The following FANCC variants were observed in gnomAD, a reference collection of about 807,000 sequenced individuals.
FANCC encodes the protein Fanconi anemia group C protein.
In FANCC, 55 loss-of-function variants were observed where a neutral mutation model predicts 71.3. The ratio of observed to expected loss-of-function variants is 0.77; its 90% CI spans 0.62 to 0.97. FANCC has a LOEUF of 0.97. Ranked by LOEUF, FANCC falls within the 50% of genes least tolerant of loss-of-function variation. The pLI, the probability that FANCC is intolerant of heterozygous loss-of-function variation, is 0.00. For missense variants in FANCC, 678 were observed against 670.9 expected, an observed-to-expected ratio of 1.01 and a Z score of -0.12; for synonymous variants, 275 against 244.9, an observed-to-expected ratio of 1.12 and a Z score of -1.15.
At chr9:95,265,217 A>C (rs1252503573) in intron 1 of FANCC, among the ~76,000 whole-genome samples, 4 of 152,156 alleles carry the variant, frequency 2.6e-5, no homozygotes, top group African/African-American at 4.8e-5. Context: ...TGTAAACAAA[A>C]TCTGGGCCTA....
At chr9:95,295,288 C>G (rs967457320) in intron 1 of FANCC, among the ~76,000 whole-genome samples, 21 of 152,216 alleles carry the variant, frequency 1.4e-4, no homozygotes, top group Non-Finnish European at 2.8e-4. Context: ...AACTATGCAT[C>G]TGAGAAGGTG....
At chr9:95,293,344 T>C in intron 1 of FANCC, 1 of 1,604,370 alleles carries the variant, frequency 6.2e-7, no homozygotes. Flanking sequence ...ATCAGGGCTC[T>C]GCCACAGGGG....
At chr9:95,125,894 C>T (rs1482758166) in intron 9 of FANCC, among the ~76,000 whole-genome samples, 1 of 152,198 alleles carries the variant, frequency 6.6e-6, no homozygotes, top group Non-Finnish European at 1.5e-5. Context: ...GGCGTCCAGT[C>T]TTAGTACTCC....
chr9:95,227,874 A>C (rs1444396298), intron 4 of FANCC, among the ~76,000 whole-genome samples: 3 of 152,176 alleles, frequency 2.0e-5, no homozygotes, highest in Non-Finnish European at 2.9e-5. Flanking sequence ...AATCACTTTC[A>C]GGTCTCCTAG....
intron 6 of FANCC, among the ~76,000 whole-genome samples, chr9:95,152,640 T>A (rs1340998658): frequency 6.6e-6 from 1 of 152,244 alleles, no homozygotes; most frequent in African/African-American, 2.4e-5. Flanking sequence ...CTATTTACTT[T>A]AAAATTTTTA....
At chr9:95,249,470 T>C (rs917751518) in intron 1 of FANCC, 101 bp from the exon 2 acceptor site, 6 of 632,446 alleles carry the variant, frequency 9.5e-6, no homozygotes, top group Non-Finnish European at 1.7e-5. Flanking sequence ...AGAACTAAAA[T>C]AGCATGGCTT....
chr9:95,200,710 A>G (rs1827754326), intron 4 of FANCC, among the ~76,000 whole-genome samples: 1 of 152,236 alleles, frequency 6.6e-6, no homozygotes, highest in South Asian at 2.1e-4. Flanking sequence ...AATTTACAAA[A>G]CAGCATTAAA....
At chr9:95,129,461 G>A (rs564850047) in intron 8 of FANCC, among the ~76,000 whole-genome samples, 2 of 152,178 alleles carry the variant, frequency 1.3e-5, no homozygotes, top group Admixed American at 6.5e-5. Flanking sequence ...GAGTGATGAC[G>A]CAGGCATCTA....
At chr9:95,253,155 T>G (rs959839596) in intron 1 of FANCC, among the ~76,000 whole-genome samples, 2 of 152,238 alleles carry the variant, frequency 1.3e-5, no homozygotes, top group Non-Finnish European at 2.9e-5. Flanking sequence ...TGCAGTGCAC[T>G]GATCCTCAAT....
chr9:95,099,495 C>T lies in FANCC; in HGVS notation c.*2212G>A, dbSNP rs1352682008. ...CCGGTGGCACCTGCCCAGGCTTTGC[C>T]GAAATCGAAGGCAACAAGAGGGGGA... On this transcript the variant is annotated 3_prime_UTR_variant, in exon 15 of 15. Coordinates refer to ENST00000289081, the MANE Select transcript of FANCC (RefSeq NM_000136.3). 1 of 228,124 alleles carries T rather than the reference C, an allele frequency of 4.4e-6. No individual in the cohort carries two copies. Among genetic ancestry groups the T allele is most frequent in the Non-Finnish European group, 8.7e-6 (1 of 115,368 alleles). 14.1% of individuals were successfully genotyped at this position (228,124 alleles called of 1,614,324 possible).
At chr9:95,215,113 A>G (rs1828776414) in intron 4 of FANCC, among the ~76,000 whole-genome samples, 1 of 152,220 alleles carries the variant, frequency 6.6e-6, no homozygotes, top group Non-Finnish European at 1.5e-5. Context: ...AATTTTAAAA[A>G]ATTAAATGGT....
intron 4 of FANCC, among the ~76,000 whole-genome samples, chr9:95,207,420 C>T (rs1828200903): frequency 6.6e-6 from 1 of 152,178 alleles, no homozygotes; most frequent in South Asian, 2.1e-4. Flanking sequence ...ATCCCTCTGC[C>T]CAGTGATCAA....
rs1243729637 is a variant in FANCC at position 95,120,580 on chromosome 9, A to G, written c.997-3190T>C. Among the ~76,000 whole-genome samples, 9 of 151,550 alleles carry G rather than the reference A, an allele frequency of 5.9e-5. No individual in the cohort carries two copies. In the East Asian group the frequency reaches 1.6e-3, roughly 26 times the overall value. ...AGGCATGCATCACCATGCCCAGCTA[A>G]TTTTTTATTTATTTACTTTTTTGTA... On this transcript the variant is annotated intron_variant, in intron 10 of 14. Transcript: ENST00000289081.
chr9:95,128,645 T>TG (rs1195885994), intron 8 of FANCC, among the ~76,000 whole-genome samples: 1 of 152,248 alleles, frequency 6.6e-6, no homozygotes, highest in African/African-American at 2.4e-5. Flanking sequence ...AGCTTAGATC[T>TG]GCTCCTCTTC....
intron 7 of FANCC, among the ~76,000 whole-genome samples, chr9:95,146,134 T>C (rs1190163549): frequency 6.6e-6 from 1 of 152,122 alleles, no homozygotes; most frequent in African/African-American, 2.4e-5. Flanking sequence ...AAATGCATTG[T>C]ATAGCAAGGA....
chr9:95,222,036 A>G (rs1249720200), intron 4 of FANCC, among the ~76,000 whole-genome samples: 1 of 152,076 alleles, frequency 6.6e-6, no homozygotes, highest in Admixed American at 6.6e-5. Flanking sequence ...AACTTTTACA[A>G]AAAATGTTCA....
intron 1 of FANCC, among the ~76,000 whole-genome samples, chr9:95,268,462 T>A (rs1450736164): frequency 6.6e-6 from 1 of 152,246 alleles, no homozygotes; most frequent in Admixed American, 6.5e-5. Context: ...TATTCCTTCA[T>A]CACTTCCAAA....
At chr9:95,108,698 G>C (rs1381510836) in intron 13 of FANCC, among the ~76,000 whole-genome samples, 2 of 152,170 alleles carry the variant, frequency 1.3e-5, no homozygotes, top group East Asian at 3.8e-4. Context: ...AATTTGAAAA[G>C]AGAAAAAGAA....
chr9:95,192,888 A>G (rs1322612328), intron 4 of FANCC, among the ~76,000 whole-genome samples: 1 of 152,204 alleles, frequency 6.6e-6, no homozygotes, highest in Non-Finnish European at 1.5e-5. Flanking sequence ...TCAATAACCA[A>G]CTACATAGTA....
Sources: allele counts gnomAD v4.1 joint callset (sites outside exome capture counted in the v4.1 genomes callset), GRCh38; gene constraint gnomAD v4.1.1; transcripts MANE v1.5; gene names NCBI Gene and HGNC (gene_info 2026-07-23, HGNC 2026-07-21).